The following ZSWIM6 variants were observed in gnomAD, a reference collection of about 807,000 sequenced individuals.
ZSWIM6 encodes the protein zinc finger SWIM domain-containing protein 6.
Under a neutral mutation model 113.2 loss-of-function variants are expected in ZSWIM6, and 9 were observed. The ratio of observed to expected loss-of-function variants is 0.08; its 90% CI spans 0.05 to 0.14. The LOEUF (loss-of-function observed/expected upper bound fraction) is 0.14. Among genes scored for constraint, ZSWIM6 ranks in the 10% least tolerant of loss-of-function variants. The probability of loss-of-function intolerance (pLI) is 1.00; values close to 1 mark genes in which losing one functional copy is unlikely to be tolerated. For synonymous variants in ZSWIM6, 611 were observed against 606.5 expected (o/e 1.01, Z -0.11); for missense variants, 1,162 against 1,552.2 (o/e 0.75, Z 4.22).
intron 1 of ZSWIM6, among the ~76,000 whole-genome samples, chr5:61,392,908 G>A (rs1745753255): frequency 6.6e-6 from 1 of 151,958 alleles, no homozygotes. Flanking sequence ...CACCGCGCCT[G>A]GCCCATCAGC....
chr5:61,365,622 T>C (rs1745133303), intron 1 of ZSWIM6, among the ~76,000 whole-genome samples: 1 of 152,226 alleles, frequency 6.6e-6, no homozygotes, highest in Admixed American at 6.5e-5. Context: ...TTTTAATCCA[T>C]TGAAGACTTT....
chr5:61,356,812 GATAA>G lies in ZSWIM6; in HGVS notation c.676+23870_676+23873del, dbSNP rs1331188158. Among the ~76,000 whole-genome samples, 42 of 137,550 alleles carry G rather than the reference GATAA, an allele frequency of 3.1e-4. 1 individual carries two copies. Among genetic ancestry groups the G allele is most frequent in the East Asian group, 2.9e-3 (14 of 4,906 alleles). The allele number at this position is 137,550 out of a possible 152,430, so 90.2% of individuals were successfully genotyped here. A position where few individuals can be genotyped will look rare whatever the true frequency, so the allele number is the denominator to read the frequency against. ...TTATATATAATATAAATATATAATT[GATAA>G]ATAAAAAATATATATTTTATATATA... On this transcript the variant is annotated intron_variant, in intron 1 of 13. Coordinates refer to ENST00000252744, the MANE Select transcript of ZSWIM6 (RefSeq NM_020928.2).
chr5:61,338,780 G>C (rs991384158), intron 1 of ZSWIM6, among the ~76,000 whole-genome samples: 4 of 152,072 alleles, frequency 2.6e-5, no homozygotes, highest in African/African-American at 7.2e-5. Context: ...GTACACCCTG[G>C]GATTGAAAAG....
intron 4 of ZSWIM6, 89 bp from the exon 5 acceptor site, chr5:61,521,174 A>AT (rs1257666747): frequency 2.5e-6 from 2 of 790,176 alleles, no homozygotes; most frequent in Non-Finnish European, 3.4e-6. Context: ...ACATTTTTAA[A>AT]TTTTAATAAA....
In ZSWIM6 at chr5:61,332,855, G is replaced by A. The variant is rs1378516846; in HGVS notation, c.583G>A (p.Gly195Arg). The A allele has an allele frequency of 3.4e-6, 4 of 1,180,468 alleles. No homozygotes were observed. The African/African-American group carries it at 4.9e-5, about 14-fold the overall frequency. 73.1% of individuals were successfully genotyped at this position (1,180,468 alleles called of 1,614,324 possible). ...GAGAPSVGAA[G>R]AADGGDETRL... ...CGGGGCCCCGTCGGTGGGGGCTGCC[G>A]GGGCGGCGGACGGCGGCGACGAGAC... is the stretch of plus-strand genomic sequence containing the variant. The change falls in exon 1 of 14, where the codon GGG (glycine) becomes AGG (arginine). Residue 195 changes from glycine (G) to arginine (R), a missense_variant. Around this residue, in one of 4 missense-constraint regions of ZSWIM6, gnomAD observed 333 missense variants for 293.4 expected, o/e 1.13. Transcript: ENST00000252744.
At position 61,373,325 on chromosome 5, in the gene ZSWIM6, G is replaced by GA. The variant is rs1469563494; in HGVS notation, c.676+40379dup. Among the ~76,000 whole-genome samples, 6 of 150,436 alleles carry GA rather than the reference G, an allele frequency of 4.0e-5. No homozygotes were observed. The East Asian group carries it at 1.2e-3, about 29-fold the overall frequency. On this transcript the variant is annotated intron_variant, in intron 1 of 13. Coordinates refer to ENST00000252744, the MANE Select transcript of ZSWIM6 (RefSeq NM_020928.2). ...ACCACTGGGTCTTTTTTTGGAGGGG[G>GA]AATATTAGAACATTTTGACTACTAA...
chr5:61,348,032 T>C (rs540111667), intron 1 of ZSWIM6, among the ~76,000 whole-genome samples: 3 of 152,180 alleles, frequency 2.0e-5, no homozygotes, highest in East Asian at 1.9e-4. Flanking sequence ...CCATCCTGGC[T>C]AACACGGTGA....
intron 1 of ZSWIM6, among the ~76,000 whole-genome samples, chr5:61,418,657 T>G (rs996082324): frequency 6.6e-6 from 1 of 152,184 alleles, no homozygotes; most frequent in Non-Finnish European, 1.5e-5. Context: ...AAGTGGTAGA[T>G]GGCGATAGAA....
chr5:61,528,076 C>G (rs886788038), intron 7 of ZSWIM6, among the ~76,000 whole-genome samples: 4 of 152,014 alleles, frequency 2.6e-5, no homozygotes, highest in Non-Finnish European at 5.9e-5. Flanking sequence ...GATTACATGT[C>G]TATACCTATG....
At chr5:61,413,749 T>G (rs1371866723) in intron 1 of ZSWIM6, among the ~76,000 whole-genome samples, 2 of 152,204 alleles carry the variant, frequency 1.3e-5, no homozygotes, top group Admixed American at 1.3e-4. Context: ...ATTGTGGTTT[T>G]GATTTGCATT....
chr5:61,371,061 C>T (rs1173396543), intron 1 of ZSWIM6, among the ~76,000 whole-genome samples: 1 of 152,190 alleles, frequency 6.6e-6, no homozygotes, highest in Non-Finnish European at 1.5e-5. Context: ...CACCTGGGCT[C>T]TGCCCCAGGG....
At position 61,531,646 on chromosome 5, in the gene ZSWIM6, C is replaced by A; in HGVS notation, c.2166C>A (p.Leu722=). ...AAGTTTGCCGGAATGAGGAGCAGCT[C>A]ATTTCTAAGCTTCAGGAAATTGAAT... ...QEKVCRNEEQ[L]ISKLQEIELD... Residue 722 remains leucine, a synonymous_variant, in exon 9 of 14, where the codon CTC becomes CTA. Transcript: ENST00000252744. 3.2e-6 allele frequency: 5 copies of A among 1,551,714 alleles called. No homozygotes were observed. The highest frequency in any genetic ancestry group is 1.7e-4 in the Middle Eastern group (1 of 5,990).
At chr5:61,356,115 G>A (rs779160184) in intron 1 of ZSWIM6, among the ~76,000 whole-genome samples, 4 of 151,866 alleles carry the variant, frequency 2.6e-5, no homozygotes, top group Admixed American at 6.6e-5. Context: ...TGTGTGTTTC[G>A]GCAGAGATGG....
At chr5:61,457,897 T>C (rs1747237939) in intron 1 of ZSWIM6, among the ~76,000 whole-genome samples, 1 of 152,196 alleles carries the variant, frequency 6.6e-6, no homozygotes, top group Non-Finnish European at 1.5e-5. Flanking sequence ...GTATGTTATT[T>C]TAGTTTTATA....
intron 1 of ZSWIM6, among the ~76,000 whole-genome samples, chr5:61,434,542 T>C (rs547327868): frequency 6.6e-6 from 1 of 152,164 alleles, no homozygotes; most frequent in South Asian, 2.1e-4. Context: ...ACATATGATA[T>C]TTGGTTTTCC....
chr5:61,410,180 C>A (rs1746124885), intron 1 of ZSWIM6, among the ~76,000 whole-genome samples: 1 of 152,144 alleles, frequency 6.6e-6, no homozygotes, highest in Admixed American at 6.6e-5. Flanking sequence ...TCAGGACCAG[C>A]CTTGGCAAAA....
intron 1 of ZSWIM6, among the ~76,000 whole-genome samples, chr5:61,470,985 C>T (rs1427263221): frequency 2.0e-5 from 3 of 152,180 alleles, no homozygotes; most frequent in Non-Finnish European, 4.4e-5. Flanking sequence ...TAAACTCTTA[C>T]CATTGTCTGG....
chr5:61,467,496 TGAA>T (rs776840740), intron 1 of ZSWIM6, among the ~76,000 whole-genome samples: 16 of 152,194 alleles, frequency 1.1e-4, no homozygotes, highest in Non-Finnish European at 2.1e-4. Flanking sequence ...CATACATTAA[TGAA>T]GAAGATTTTA....
At position 61,472,955 on chromosome 5, in the gene ZSWIM6, G is replaced by A. The variant is rs1361685412; in HGVS notation, c.951G>A (p.Val317=). 6.5e-7 allele frequency: 1 copy of A among 1,549,442 alleles called. No homozygotes were observed. The highest frequency in any genetic ancestry group is 8.7e-7 in the Non-Finnish European group (1 of 1,145,826). Residue 317 remains valine, a synonymous_variant, in exon 2 of 14, where the codon GTG becomes GTA. Coordinates refer to ENST00000252744, the MANE Select transcript of ZSWIM6 (RefSeq NM_020928.2). This position sits in a 1 kb window ranked among gnomAD's most constrained non-coding sequence, Gnocchi z 4.1. ...LQKFVQYLIT[V]HHTEVLPTAQ... ...AGTTTGTACAGTATTTGATCACAGT[G>A]CACCACACAGAAGTTTTGCCAACTG...
Sources: allele counts gnomAD v4.1 joint callset (sites outside exome capture counted in the v4.1 genomes callset), GRCh38; gene constraint gnomAD v4.1.1; regional missense constraint gnomAD v4.1.1; non-coding constraint Gnocchi (gnomAD v3.1); transcripts MANE v1.5; gene names NCBI Gene and HGNC (gene_info 2026-07-23, HGNC 2026-07-21).